The following CGN variants were observed in gnomAD, a reference collection of about 807,000 sequenced individuals.
CGN encodes the protein cingulin.
In CGN, 121 loss-of-function variants were observed where a neutral mutation model predicts 157.1. The observed-to-expected ratio is 0.77, with a 90% CI of 0.66 to 0.90. The LOEUF (loss-of-function observed/expected upper bound fraction) is 0.90. CGN is among the 40% of genes least tolerant of loss of function. The pLI is 0.00. For synonymous variants in CGN, 535 were observed against 607.5 expected (o/e 0.88, Z 1.76); for missense variants, 1,424 against 1,520.9 (o/e 0.94, Z 1.06).
At chr1:151,514,655 G>A (rs899055159) in intron 1 of CGN, among the ~76,000 whole-genome samples, 22 of 152,122 alleles carry the variant, frequency 1.4e-4, no homozygotes, top group African/African-American at 4.1e-4. Context: ...TTATTATCTC[G>A]TAGGGGAGAC....
Position 151,524,385 on chromosome 1 carries a change from C to A in CGN, c.1401+27C>A. The A allele has an allele frequency of 6.2e-7, 1 of 1,609,540 alleles. No individual in the cohort carries two copies. The highest frequency in any genetic ancestry group is 8.5e-7 in the Non-Finnish European group (1 of 1,177,770). ...TAGGGTCTGGGGTCATATGCCCCAG[C>A]CTCTGCTTTTTCTCAGTTGGAGCAT... On this transcript the variant is annotated intron_variant, in intron 7 of 20. Transcript: ENST00000271636. The surrounding 1 kb of genome is among the most constrained non-coding windows in gnomAD (Gnocchi z 4.4).
At chr1:151,536,676 C>A (rs1161178714) in intron 19 of CGN, 54 bp from the exon 20 acceptor site, 48 of 1,578,246 alleles carry the variant, frequency 3.0e-5, no homozygotes, top group Non-Finnish European at 3.8e-5. Context: ...GGGGAGGGTC[C>A]CAGGCCATGG....
At chr1:151,525,060 G>A (rs1664641682) in intron 8 of CGN, among the ~76,000 whole-genome samples, 174 bp downstream of exon 8, 1 of 152,166 alleles carries the variant, frequency 6.6e-6, no homozygotes, top group Non-Finnish European at 1.5e-5. Flanking sequence ...AGGGGCAGAG[G>A]GAGGGAGTAC....
intron 18 of CGN, 112 bp from the exon 19 acceptor site, chr1:151,536,125 A>G: frequency 1.3e-6 from 1 of 775,434 alleles, no homozygotes; most frequent in Admixed American, 2.0e-5. Flanking sequence ...GATCCTGCCC[A>G]GTCTAATGGT....
intron 1 of CGN, chr1:151,515,356 A>G (rs1444148883): frequency 1.3e-5 from 2 of 152,166 alleles, no homozygotes; most frequent in African/African-American, 4.8e-5. Flanking sequence ...TTATCATTGT[A>G]TATGCCCATA....
chr1:151,520,020 G>A (rs981030131), intron 2 of CGN, 146 bp from the exon 3 acceptor site: 12 of 652,844 alleles, frequency 1.8e-5, no homozygotes, highest in Non-Finnish European at 3.2e-5. Flanking sequence ...TTTCCTTGCT[G>A]CATTTCAGGA....
chr1:151,533,440 C>T (rs532910274), intron 14 of CGN, among the ~76,000 whole-genome samples: 4 of 148,340 alleles, frequency 2.7e-5, no homozygotes, highest in Admixed American at 2.0e-4. Flanking sequence ...TGTGCCACTG[C>T]ATTCCAGCCT....
At position 151,537,856 on chromosome 1, in the gene CGN, A is replaced by G. The variant is rs1665004653; in HGVS notation, c.*510A>G. On this transcript the variant is annotated 3_prime_UTR_variant, in exon 21 of 21. Transcript: ENST00000271636. ...ATTTCTTTGCACAAGTATGGGGCCCATGTGGTAGTCCCCATACCCCTCCAG... is the reference window on the plus strand; with the variant it reads ...ATTTCTTTGCACAAGTATGGGGCCCGTGTGGTAGTCCCCATACCCCTCCAG... The G allele has an allele frequency of 6.5e-6, 1 of 153,132 alleles. No individual in the cohort carries two copies. Among genetic ancestry groups the G allele is most frequent in the Non-Finnish European group, 1.5e-5 (1 of 68,440 alleles). The allele number at this position is 153,132 out of a possible 1,614,324, so 9.5% of individuals were successfully genotyped here. A position where few individuals can be genotyped will look rare whatever the true frequency, so the allele number is the denominator to read the frequency against.
Position 151,524,315 on chromosome 1 carries a change from A to C in CGN, c.1358A>C (p.Lys453Thr). ...TQVMELQNKL[K>T]HVQGPEPAKE... is the part of the protein sequence containing the mutation. ...GTGATGGAGCTGCAGAACAAGCTGAAACATGTCCAGGGTCCTGAGCCTGCT... is the reference window on the plus strand; with the variant it reads ...GTGATGGAGCTGCAGAACAAGCTGACACATGTCCAGGGTCCTGAGCCTGCT... Residue 453 changes from lysine to threonine, a missense_variant, in exon 7 of 21, where the codon AAA (lysine) becomes ACA (threonine). This residue lies in a region of CGN where 1,187 missense variants were observed against 1,217.6 expected (regional missense o/e 0.97). Transcript: ENST00000271636. This position sits in a 1 kb window ranked among gnomAD's most constrained non-coding sequence, Gnocchi z 4.4. 6.2e-7 allele frequency: 1 copy of C among 1,614,150 alleles called. No homozygotes were observed. Among genetic ancestry groups the C allele is most frequent in the South Asian group, 1.1e-5 (1 of 91,084 alleles).
intron 5 of CGN, among the ~76,000 whole-genome samples, chr1:151,522,898 C>T (rs1664572587): frequency 6.7e-6 from 1 of 148,252 alleles, no homozygotes; most frequent in South Asian, 2.2e-4. Context: ...TAGGCAAGAG[C>T]AAAACTCCAT....
At chr1:151,515,211 C>T (rs1311271562) in intron 1 of CGN, among the ~76,000 whole-genome samples, 4 of 152,002 alleles carry the variant, frequency 2.6e-5, no homozygotes, top group Admixed American at 2.6e-4. Flanking sequence ...CCATGTTGGC[C>T]GGGCTGTTAT....
At position 151,524,286 on chromosome 1, in the gene CGN, C is replaced by T. The variant is rs560863833; in HGVS notation, c.1329C>T (p.Thr443=). ...AAGATTTACGACATGGGCTGGAGAC[C>T]CAGGTGATGGAGCTGCAGAACAAGC... is the stretch of plus-strand genomic sequence containing the variant. The part of the protein sequence containing the change: ...QGEDLRHGLE[T]QVMELQNKLK... Residue 443 remains threonine, a synonymous_variant, in exon 7 of 21, where the codon ACC becomes ACT. Transcript: ENST00000271636. This position sits in a 1 kb window ranked among gnomAD's most constrained non-coding sequence, Gnocchi z 4.4. The T allele has an allele frequency of 6.8e-6, 11 of 1,614,116 alleles. No individual in the cohort carries two copies. In the Admixed American group the frequency reaches 1.8e-4, roughly 27 times the overall value.
chr1:151,525,903 G>A (rs534844133), intron 9 of CGN, 113 bp downstream of exon 9: 31 of 754,034 alleles, frequency 4.1e-5, no homozygotes, highest in Middle Eastern at 5.2e-4. Flanking sequence ...ACAGAGTTTC[G>A]CTCTTGTTTC....
intron 1 of CGN, among the ~76,000 whole-genome samples, chr1:151,517,044 G>T (rs1023022362): frequency 2.6e-5 from 4 of 151,822 alleles, no homozygotes; most frequent in African/African-American, 9.7e-5. Context: ...TGTAATCCCA[G>T]CTACTCGGGA....
chr1:151,529,772 C>A, intron 11 of CGN, 137 bp from the exon 12 acceptor site: 1 of 861,608 alleles, frequency 1.2e-6, no homozygotes, highest in Non-Finnish European at 1.8e-6. Context: ...TGGCTGGTGG[C>A]AGCTGCTCTC....
In CGN at chr1:151,536,784, AT is replaced by A. The variant is rs1279833318; in HGVS notation, c.3363del (p.Ile1121MetfsTer7). ...KRQVDEAEEE[I>X]ERLDGLRKKA... ...TCAGGTGGATGAAGCAGAAGAGGAAATTGAGCGACTGGACGGCCTGAGGAAG... is the reference window on the plus strand; with the variant it reads ...TCAGGTGGATGAAGCAGAAGAGGAAATGAGCGACTGGACGGCCTGAGGAAG... On this transcript the variant is annotated frameshift_variant, in exon 20 of 21. Coordinates refer to ENST00000271636, the MANE Select transcript of CGN (RefSeq NM_020770.3). LOFTEE classifies it high-confidence loss of function. 6.2e-7 allele frequency: 1 copy of A among 1,613,996 alleles called. No homozygotes were observed. Among genetic ancestry groups the A allele is most frequent in the African/African-American group, 1.3e-5 (1 of 74,898 alleles).
chr1:151,515,050 G>A (rs1302264768), intron 1 of CGN, among the ~76,000 whole-genome samples: 1 of 143,912 alleles, frequency 6.9e-6, no homozygotes, highest in Non-Finnish European at 1.5e-5. Context: ...GTCCTGCTCT[G>A]TGACCCAGGC....
Position 151,529,410 on chromosome 1 carries a change from G to T in CGN, c.1957G>T (p.Val653Leu), listed in dbSNP as rs753071807. 1 of 1,613,712 alleles carries T rather than the reference G, an allele frequency of 6.2e-7. No individual in the cohort carries two copies. Among genetic ancestry groups the T allele is most frequent in the Non-Finnish European group, 8.5e-7 (1 of 1,179,846 alleles). ...ELQAERQSQE[V>L]AGRHRDRELE... is the part of the protein sequence containing the mutation. ...GCAGGCAGAACGGCAGAGCCAGGAG[G>T]TGGCTGGGCGACACCGGGACCGGGA... Residue 653 changes from valine to leucine, a missense_variant, in exon 11 of 21, where the codon GTG becomes TTG. Val to Leu is a conservative substitution (Grantham distance 32). Coordinates refer to ENST00000271636, the MANE Select transcript of CGN (RefSeq NM_020770.3).
At chr1:151,514,002 TGGGGCTTACGCAA>T (rs936451229) in intron 1 of CGN, among the ~76,000 whole-genome samples, 6 of 152,242 alleles carry the variant, frequency 3.9e-5, no homozygotes, top group Non-Finnish European at 8.8e-5. Flanking sequence ...TGCCTGTCTC[TGGGGCTTACGCAA>T]GGCCTCAGAG....
Sources: allele counts gnomAD v4.1 joint callset (sites outside exome capture counted in the v4.1 genomes callset), GRCh38; gene constraint gnomAD v4.1.1; regional missense constraint gnomAD v4.1.1; non-coding constraint Gnocchi (gnomAD v3.1); transcripts MANE v1.5; gene names NCBI Gene and HGNC (gene_info 2026-07-23, HGNC 2026-07-21).